ENOSF1: variants seen among roughly 807,000 people sequenced by gnomAD.
The protein encoded by ENOSF1 is mitochondrial enolase superfamily member 1.
Under a neutral mutation model 68.2 loss-of-function variants are expected in ENOSF1, and 73 were observed. The ratio of observed to expected loss-of-function variants is 1.07; its 90% CI spans 0.89 to 1.30. ENOSF1 has a LOEUF of 1.30. Among genes scored for constraint, ENOSF1 ranks in the 50% most tolerant of loss-of-function variants. The pLI is 0.00. For synonymous variants in ENOSF1, 223 were observed against 210.4 expected (o/e 1.06, Z -0.52); for missense variants, 589 against 554.5 (o/e 1.06, Z -0.62).
intron 1 of ENOSF1, among the ~76,000 whole-genome samples, chr18:711,294 T>A (rs2079511128): frequency 6.6e-6 from 1 of 152,240 alleles, no homozygotes; most frequent in Non-Finnish European, 1.5e-5. Flanking sequence ...GAGAGATCTA[T>A]TTTTATAAAA....
intron 2 of ENOSF1, among the ~76,000 whole-genome samples, chr18:704,502 T>G (rs567509414): frequency 6.6e-6 from 1 of 151,558 alleles, no homozygotes; most frequent in African/African-American, 2.4e-5. Context: ...GTACATAGTT[T>G]TAAAAAACAG....
At position 685,936 on chromosome 18, in the gene ENOSF1, T is replaced by C; in HGVS notation, c.726A>G (p.Gly242=). The change falls in exon 10 of 16, where the codon GGA becomes GGG. Residue 242 remains glycine (G), a synonymous_variant. Coordinates refer to ENST00000647584, the MANE Select transcript of ENOSF1 (RefSeq NM_017512.7). ...RRCQIIRDMI[G]PEKTLMMDAN... is the part of the protein sequence containing the mutation. ...GGATATTTACCAAAGTCTTTTCCGG[T>C]CCAATCATGTCTCGGATGATTTGGC... 1 of 1,613,772 alleles carries C rather than the reference T, an allele frequency of 6.2e-7. No homozygotes were observed. The highest frequency in any genetic ancestry group is 8.5e-7 in the Non-Finnish European group (1 of 1,179,700).
chr18:703,193 G>A (rs1322204534), intron 2 of ENOSF1, among the ~76,000 whole-genome samples: 2 of 152,156 alleles, frequency 1.3e-5, no homozygotes, highest in Non-Finnish European at 2.9e-5. Context: ...CCGTGCCTGA[G>A]ACATCCACCA....
At chr18:683,099 G>GT (rs1185663754) in intron 11 of ENOSF1, 147 bp downstream of exon 11, 10 of 945,878 alleles carry the variant, frequency 1.1e-5, no homozygotes, top group African/African-American at 1.7e-5. Context: ...TGTAACCCCT[G>GT]TATTTGTCAC....
chr18:673,708 GAGTTT>G lies in ENOSF1; in HGVS notation c.*592_*596del, dbSNP rs1167707235. 3 of 128,712 alleles carry G rather than the reference GAGTTT, an allele frequency of 2.3e-5. No individual in the cohort carries two copies. The highest frequency in any genetic ancestry group is 5.2e-4 in the East Asian group (2 of 3,814). 8.0% of individuals were successfully genotyped at this position (128,712 alleles called of 1,614,324 possible). ...CAAAATATAATGACCATTTAGGATA[GAGTTT>G]TTTTTTTTTTTTTTTAAACTTTTAT... is the stretch of plus-strand genomic sequence containing the variant. On this transcript the variant is annotated 3_prime_UTR_variant, in exon 16 of 16. Transcript: ENST00000647584.
intron 14 of ENOSF1, among the ~76,000 whole-genome samples, chr18:677,132 A>C (rs1384045816): frequency 6.6e-6 from 1 of 152,196 alleles, no homozygotes; most frequent in Non-Finnish European, 1.5e-5. Flanking sequence ...TTAAAAAATA[A>C]AGTGAGTCAG....
intron 4 of ENOSF1, 92 bp from the exon 5 acceptor site, chr18:694,000 T>A: frequency 7.0e-7 from 1 of 1,427,786 alleles, no homozygotes; most frequent in South Asian, 1.2e-5. Flanking sequence ...TAATGCTGGC[T>A]GTCAGCCACC....
At chr18:694,505 C>A (rs1035360057) in intron 3 of ENOSF1, among the ~76,000 whole-genome samples, 171 bp from the exon 4 acceptor site, 17 of 151,962 alleles carry the variant, frequency 1.1e-4, no homozygotes, top group Non-Finnish European at 2.2e-4. Flanking sequence ...GTGGTTTGTG[C>A]CTGTAGTCCC....
rs767870828 is a variant in ENOSF1 at position 693,935 on chromosome 18, AAG to A, written c.397-29_397-28del. ...TTGAAGTAAAAAAGAAAGGATTTGT[AAG>A]ACATATGTGTAAAGTCCCCATTTTT... On this transcript the variant is annotated intron_variant, in intron 4 of 15. Coordinates refer to ENST00000647584, the MANE Select transcript of ENOSF1 (RefSeq NM_017512.7). The A allele has an allele frequency of 1.9e-5, 30 of 1,613,488 alleles. No homozygotes were observed. In the African/African-American group the frequency reaches 3.6e-4, roughly 19 times the overall value.
At chr18:667,872 C>T (rs2074888280), downstream of ENOSF1, 1 of 151,764 alleles carries the variant, frequency 6.6e-6, no homozygotes, top group South Asian at 2.1e-4. Flanking sequence ...TTTCTTGTCG[C>T]TTAAAAGGCC....
At chr18:698,639 G>A (rs2077999712) in intron 2 of ENOSF1, among the ~76,000 whole-genome samples, 1 of 129,424 alleles carries the variant, frequency 7.7e-6, no homozygotes, top group Non-Finnish European at 1.7e-5. Flanking sequence ...TTATTTTTTA[G>A]AGACAGGGTT....
intron 12 of ENOSF1, 194 bp downstream of exon 12, chr18:678,502 G>A: frequency 1.8e-6 from 1 of 564,910 alleles, no homozygotes; most frequent in Non-Finnish European, 3.2e-6. Context: ...ATATAAATTG[G>A]AGAAATAGCC....
chr18:704,342 T>C (rs1451342053), intron 2 of ENOSF1, among the ~76,000 whole-genome samples: 1 of 150,590 alleles, frequency 6.6e-6, no homozygotes, highest in African/African-American at 2.4e-5. Context: ...GGCATAAGAA[T>C]TGCTTGAACC....
intron 3 of ENOSF1, among the ~76,000 whole-genome samples, chr18:695,372 T>G (rs2077610601): frequency 3.9e-5 from 6 of 152,184 alleles, no homozygotes; most frequent in Non-Finnish European, 7.3e-5. Context: ...CTTGGGTAAC[T>G]TAGTGTCCAT....
At chr18:692,798 C>A in intron 5 of ENOSF1, 1 of 1,025,710 alleles carries the variant, frequency 9.7e-7, no homozygotes, top group South Asian at 3.7e-5. Flanking sequence ...CTCAAGAGCT[C>A]TGTGTCCTTC....
chr18:692,866 T>C (rs1305316683), intron 5 of ENOSF1: 1 of 1,096,800 alleles, frequency 9.1e-7, no homozygotes, highest in Admixed American at 4.4e-5. Flanking sequence ...CAGCCTCCTG[T>C]CTTCACTTTC....
At position 671,533 on chromosome 18, in the gene ENOSF1, C is replaced by A; in HGVS notation, c.*2772G>T. ...CTGTGGAACAGGCATCTGCTCAATGCTGTGTCCAAGATAAAGATGACTGCT... is the reference window on the plus strand; with the variant it reads ...CTGTGGAACAGGCATCTGCTCAATGATGTGTCCAAGATAAAGATGACTGCT... On this transcript the variant is annotated 3_prime_UTR_variant, in exon 16 of 16. Transcript: ENST00000647584. The A allele has an allele frequency of 1.1e-6, 1 of 903,874 alleles. No homozygotes were observed. Among genetic ancestry groups the A allele is most frequent in the Non-Finnish European group, 1.8e-6 (1 of 544,816 alleles). The allele number at this position is 903,874 out of a possible 1,614,324, so 56.0% of individuals were successfully genotyped here.
intron 15 of ENOSF1, 31 bp from the exon 16 acceptor site, chr18:674,437 A>C (rs1480390628): frequency 2.1e-6 from 3 of 1,435,384 alleles, no homozygotes; most frequent in East Asian, 2.3e-5. Context: ...GAGTCCTGTT[A>C]ACAACCACCT....
downstream of ENOSF1, chr18:669,347 A>T: frequency 2.0e-6 from 1 of 502,764 alleles, no homozygotes; most frequent in Non-Finnish European, 3.6e-6. Flanking sequence ...CCTTCAGATC[A>T]TGAGGTTGGG....
Sources: gnomAD v4.1 joint callset for allele counts (sites outside exome capture counted in the v4.1 genomes callset) on GRCh38, gnomAD v4.1.1 for gene constraint, MANE v1.5 for transcripts, NCBI Gene and HGNC (gene_info 2026-07-23, HGNC 2026-07-21) for gene names.